KCNA3: variants seen among roughly 807,000 people sequenced by gnomAD.
The protein encoded by KCNA3 is potassium voltage-gated channel subfamily A member 3.
A neutral mutation model predicts 34.3 loss-of-function variants in KCNA3; 18 were observed. That is an observed-to-expected ratio of 0.52 (90% CI 0.36 to 0.78). The LOEUF is 0.78. Ranked by LOEUF, KCNA3 falls within the 30% of genes least tolerant of loss-of-function variation. KCNA3 has a pLI of 0.00. For missense variants in KCNA3, 587 were observed against 802.5 expected (o/e 0.73, Z 3.24); for synonymous variants, 324 against 351.7 (o/e 0.92, Z 0.88).
the KCNA3 span, chr1:110,654,861 G>C: frequency 2.0e-5 from 3 of 152,092 alleles, no homozygotes; most frequent in Non-Finnish European, 2.9e-5. Context: ...CTAGTCATTT[G>C]ATCTTTCTAA....
rs765537366 is a variant in KCNA3, at chr1:110,673,979, G to A, written c.831C>T (p.Ala277=). Residue 277 remains alanine (A), a synonymous_variant, in exon 1 of 1, where the codon GCC becomes GCT. Coordinates refer to ENST00000369769, the MANE Select transcript of KCNA3 (RefSeq NM_002232.5). The surrounding 1 kb of genome is among the most constrained non-coding windows in gnomAD (Gnocchi z 8.8). ...CGCGGGACCCCGACGTGCTGTTGCC[G>A]GCTGCTTCGAATGAGTCCTGCGACG... ...ASTSQDSFEA[A]GNSTSGSRAG... 1 of 1,613,788 alleles carries A rather than the reference G, an allele frequency of 6.2e-7. No individual in the cohort carries two copies. Among genetic ancestry groups the A allele is most frequent in the Non-Finnish European group, 8.5e-7 (1 of 1,179,962 alleles).
chr1:110,667,118 A>T, the KCNA3 span, among the ~76,000 whole-genome samples: 6 of 152,066 alleles, frequency 3.9e-5, no homozygotes, highest in African/African-American at 1.4e-4. Flanking sequence ...CTTCCAAATT[A>T]ATTATGTTTT....
At chr1:110,668,369 A>G (rs1651762841), downstream of KCNA3, among the ~76,000 whole-genome samples, 1 of 152,176 alleles carries the variant, frequency 6.6e-6, no homozygotes, top group South Asian at 2.1e-4. Flanking sequence ...GAAATTTTAA[A>G]TGTATAGAAG....
the KCNA3 span, among the ~76,000 whole-genome samples, chr1:110,662,005 C>T: frequency 6.7e-6 from 1 of 148,378 alleles, no homozygotes; most frequent in Non-Finnish European, 1.5e-5. Flanking sequence ...CACAGCTACC[C>T]GGGAGGCTGA....
chr1:110,660,488 C>T, the KCNA3 span, among the ~76,000 whole-genome samples: 56 of 151,874 alleles, frequency 3.7e-4, no homozygotes, highest in East Asian at 3.9e-3. Flanking sequence ...AAAAATCCAA[C>T]GCTAAGTGTC....
the KCNA3 span, among the ~76,000 whole-genome samples, chr1:110,660,940 G>A: frequency 6.6e-6 from 1 of 152,126 alleles, no homozygotes; most frequent in South Asian, 2.1e-4. Flanking sequence ...TGACACATAG[G>A]AGGTACTCAG....
the KCNA3 span, among the ~76,000 whole-genome samples, chr1:110,657,658 A>C: frequency 6.6e-6 from 1 of 152,204 alleles, no homozygotes; most frequent in African/African-American, 2.4e-5. Flanking sequence ...TGAAACTGTA[A>C]CCTGTAATAA....
At chr1:110,657,306 G>A in the KCNA3 span, among the ~76,000 whole-genome samples, 3 of 151,920 alleles carry the variant, frequency 2.0e-5, no homozygotes, top group African/African-American at 4.8e-5. Flanking sequence ...CTTGGCCTCC[G>A]AAAGTGCTAG....
the KCNA3 span, chr1:110,655,801 T>C: frequency 6.6e-6 from 1 of 152,158 alleles, no homozygotes; most frequent in Non-Finnish European, 1.5e-5. Flanking sequence ...CAAATTTTAG[T>C]ATCATTCTAA....
chr1:110,664,525 A>C, the KCNA3 span, among the ~76,000 whole-genome samples: 2 of 152,188 alleles, frequency 1.3e-5, no homozygotes, highest in Non-Finnish European at 2.9e-5. Flanking sequence ...TGTAAGCCAC[A>C]TAGTGATTAA....
At chr1:110,662,253 T>C in the KCNA3 span, among the ~76,000 whole-genome samples, 3 of 151,874 alleles carry the variant, frequency 2.0e-5, no homozygotes, top group African/African-American at 7.3e-5. Flanking sequence ...TGACCTATAA[T>C]TGAAGATAAT....
rs1209994561 is a variant in KCNA3, at chr1:110,673,359, T to C, written c.1451A>G (p.Asn484Ser). Reference protein sequence around the residue: ...LPVPVIVSNFNYFYHRETEGE... With the variant: ...LPVPVIVSNFSYFYHRETEGE... ...TTCTGTCTCCCGGTGGTAGAAGTAATTGAAGTTGGAAACAATCACGGGAAC... is the reference window on the plus strand; with the variant it reads ...TTCTGTCTCCCGGTGGTAGAAGTAACTGAAGTTGGAAACAATCACGGGAAC... The change falls in exon 1 of 1, where the codon AAT (asparagine) becomes AGT (serine). Residue 484 changes from asparagine (N) to serine (S), a missense_variant. Coordinates refer to ENST00000369769, the MANE Select transcript of KCNA3 (RefSeq NM_002232.5). The surrounding 1 kb of genome is among the most constrained non-coding windows in gnomAD (Gnocchi z 8.8). The C allele has an allele frequency of 2.5e-6, 4 of 1,613,864 alleles. No homozygotes were observed. Among genetic ancestry groups the C allele is most frequent in the African/African-American group, 1.3e-5 (1 of 74,836 alleles).
the KCNA3 span, chr1:110,656,313 G>C: frequency 6.6e-6 from 1 of 152,044 alleles, no homozygotes; most frequent in East Asian, 1.9e-4. Flanking sequence ...TAAAAGGTAA[G>C]ATTACTTTTT....
At chr1:110,659,949 G>C in the KCNA3 span, among the ~76,000 whole-genome samples, 3 of 152,052 alleles carry the variant, frequency 2.0e-5, no homozygotes, top group South Asian at 4.2e-4. Context: ...TGGGGGGCTA[G>C]GGAAGGGATA....
At chr1:110,671,972 T>TA (rs1249229055), downstream of KCNA3, among the ~76,000 whole-genome samples, 1 of 152,222 alleles carries the variant, frequency 6.6e-6, no homozygotes, top group Non-Finnish European at 1.5e-5. Context: ...TTTTCATAGT[T>TA]AAAAAATGCA....
chr1:110,670,279 G>T (rs1651836343), downstream of KCNA3, among the ~76,000 whole-genome samples: 1 of 152,160 alleles, frequency 6.6e-6, no homozygotes, highest in Admixed American at 6.5e-5. Context: ...AAGACACAGA[G>T]CTTATATCCT....
At chr1:110,657,045 CTTTTTTTTTTT>C in the KCNA3 span, 4 of 121,802 alleles carry the variant, frequency 3.3e-5, no homozygotes, top group Non-Finnish European at 6.7e-5. Flanking sequence ...CTTAAGTTTT[CTTTTTTTTTTT>C]TTTTTTTTGA....
chr1:110,666,185 G>A, the KCNA3 span, among the ~76,000 whole-genome samples: 85,845 of 152,010 alleles, frequency 0.56, 24,388 homozygotes, highest in Non-Finnish European at 0.6. Flanking sequence ...CTTACAATTG[G>A]AAATCTTGTA....
In KCNA3 at chr1:110,673,000, A is replaced by G; in HGVS notation, c.*82T>C. The G allele has an allele frequency of 7.6e-7, 1 of 1,315,674 alleles. No homozygotes were observed. Among genetic ancestry groups the G allele is most frequent in the Non-Finnish European group, 1.1e-6 (1 of 948,948 alleles). 81.5% of individuals were successfully genotyped at this position (1,315,674 alleles called of 1,614,324 possible). On this transcript the variant is annotated 3_prime_UTR_variant, in exon 1 of 1. Transcript: ENST00000369769. ...TCCTTTCCTTGATGAATGGTCTGGAAATGTATAAAACAAGGGCATAGGCAG... is the reference window on the plus strand; with the variant it reads ...TCCTTTCCTTGATGAATGGTCTGGAGATGTATAAAACAAGGGCATAGGCAG...
Sources: allele counts gnomAD v4.1 joint callset (sites outside exome capture counted in the v4.1 genomes callset), GRCh38; gene constraint gnomAD v4.1.1; non-coding constraint Gnocchi (gnomAD v3.1); transcripts MANE v1.5; gene names NCBI Gene and HGNC (gene_info 2026-07-23, HGNC 2026-07-21).